The following EFCAB6 variants were observed in gnomAD, a reference collection of about 807,000 sequenced individuals.
The protein encoded by EFCAB6 is EF-hand calcium binding domain 6.
In EFCAB6, 156 loss-of-function variants were observed where a neutral mutation model predicts 169.8. The observed-to-expected ratio is 0.92, with a 90% CI of 0.81 to 1.05. The LOEUF is 1.05. Ranked by LOEUF, EFCAB6 falls within the 50% of genes least tolerant of loss-of-function variation. EFCAB6 has a pLI of 0.00. For missense variants in EFCAB6, 1,800 were observed against 1,829.1 expected, an observed-to-expected ratio of 0.98 and a Z score of 0.29; for synonymous variants, 698 against 676.4, an observed-to-expected ratio of 1.03 and a Z score of -0.50.
At chr22:43,577,854 A>T (rs1440854620) in intron 25 of EFCAB6, among the ~76,000 whole-genome samples, 1 of 151,324 alleles carries the variant, frequency 6.6e-6, no homozygotes, top group Non-Finnish European at 1.5e-5. Flanking sequence ...TTGCTTCCCT[A>T]CACCAAGGAA....
chr22:43,536,184 G>T (rs2047374286), intron 29 of EFCAB6: 1 of 151,004 alleles, frequency 6.6e-6, no homozygotes, highest in South Asian at 2.1e-4. Flanking sequence ...CAAAATCAAA[G>T]AATTAACTAA....
At chr22:43,611,749 G>A (rs1321654698) in intron 21 of EFCAB6, among the ~76,000 whole-genome samples, 1 of 152,136 alleles carries the variant, frequency 6.6e-6, no homozygotes, top group Non-Finnish European at 1.5e-5. Flanking sequence ...AGTGAGCCAA[G>A]ATCACACCAC....
At chr22:43,749,469 T>C (rs1314571557) in intron 6 of EFCAB6, among the ~76,000 whole-genome samples, 1 of 152,072 alleles carries the variant, frequency 6.6e-6, no homozygotes, top group Non-Finnish European at 1.5e-5. Flanking sequence ...GGAGGGGGTA[T>C]GGTTTCGGGA....
chr22:43,640,470 A>C (rs2055723123), intron 17 of EFCAB6, among the ~76,000 whole-genome samples: 1 of 152,162 alleles, frequency 6.6e-6, no homozygotes, highest in Non-Finnish European at 1.5e-5. Flanking sequence ...TGTGGTTTAG[A>C]GTCAGCCAGA....
intron 10 of EFCAB6, among the ~76,000 whole-genome samples, chr22:43,689,349 G>GCACAAA (rs375566793): frequency 0.17 from 24,386 of 147,020 alleles, 2,056 homozygotes; most frequent in Middle Eastern, 0.21. Flanking sequence ...GAGAGCACGT[G>GCACAAA]CACACACACA....
intron 22 of EFCAB6, among the ~76,000 whole-genome samples, chr22:43,604,664 G>A (rs1379654034): frequency 1.3e-5 from 2 of 152,014 alleles, no homozygotes; most frequent in Admixed American, 1.3e-4. Context: ...TGAGCTAATA[G>A]AAATGGCCTC....
intron 17 of EFCAB6, among the ~76,000 whole-genome samples, chr22:43,656,128 C>T (rs753336002): frequency 1.3e-5 from 2 of 152,106 alleles, no homozygotes; most frequent in East Asian, 1.9e-4. Flanking sequence ...CAGTGGCTCA[C>T]GCATGTAATC....
rs1159447162 is a variant in EFCAB6, at chr22:43,559,672, C to T, written c.3421-4576G>A. Among the ~76,000 whole-genome samples the T allele has an allele frequency of 4.6e-5, 7 of 152,332 alleles. No homozygotes were observed. The East Asian group carries it at 1.2e-3, about 25-fold the overall frequency. ...TGTGGCACATACACACCACGGAATACTATGCAGCCATAAAAAATAATGAGT... is the reference window on the plus strand; with the variant it reads ...TGTGGCACATACACACCACGGAATATTATGCAGCCATAAAAAATAATGAGT... On this transcript the variant is annotated intron_variant, in intron 26 of 31. Coordinates refer to ENST00000262726, the MANE Select transcript of EFCAB6 (RefSeq NM_022785.4).
rs567114810 is a variant in EFCAB6 at position 43,670,606 on chromosome 22, T to C, written c.1640+1367A>G. 1.9e-4 allele frequency among the ~76,000 whole-genome samples: 29 copies of C among 152,362 alleles called. No individual in the cohort carries two copies. In the South Asian group the frequency reaches 3.7e-3, roughly 20 times the overall value. Reference sequence around the variant, plus strand: ...GGGCTGAGCATGAGCTCTGAAGCCATACTTTGCTCAATAAGTGCTCACTAG... The same window carrying C: ...GGGCTGAGCATGAGCTCTGAAGCCACACTTTGCTCAATAAGTGCTCACTAG... On this transcript the variant is annotated intron_variant, in intron 15 of 31. Transcript: ENST00000262726.
chr22:43,565,249 G>C (rs1251810150), intron 26 of EFCAB6, among the ~76,000 whole-genome samples: 3 of 152,234 alleles, frequency 2.0e-5, no homozygotes, highest in Non-Finnish European at 4.4e-5. Context: ...CAGAGATGAA[G>C]AGCAGAGTCA....
chr22:43,690,265 G>A (rs1006483760), intron 10 of EFCAB6, among the ~76,000 whole-genome samples: 4 of 150,620 alleles, frequency 2.7e-5, no homozygotes, highest in Non-Finnish European at 4.4e-5. Context: ...TTTGGGAGGC[G>A]GAGGCAGGCG....
intron 29 of EFCAB6, 51 bp from the exon 30 acceptor site, chr22:43,534,923 T>G: frequency 6.5e-7 from 1 of 1,549,446 alleles, no homozygotes; most frequent in Non-Finnish European, 8.7e-7. Context: ...CATTCATTCA[T>G]TCTTCACTCA....
rs554479048 is a variant in EFCAB6, at chr22:43,646,971, A to G, written c.1984-11755T>C. ...TAGACATTTCACTTGTTCTATAAGC[A>G]AGAAATTGTAATAATTTCAATGCAT... is the stretch of plus-strand genomic sequence containing the variant. On this transcript the variant is annotated intron_variant, in intron 17 of 31. Coordinates refer to ENST00000262726, the MANE Select transcript of EFCAB6 (RefSeq NM_022785.4). 5.3e-5 allele frequency among the ~76,000 whole-genome samples: 8 copies of G among 152,342 alleles called. No individual in the cohort carries two copies. In the East Asian group the frequency reaches 1.5e-3, roughly 29 times the overall value.
rs184585073 is a variant in EFCAB6, at chr22:43,572,232, G to A, written c.3420+4065C>T. 2.0e-5 allele frequency among the ~76,000 whole-genome samples: 3 copies of A among 152,272 alleles called. No individual in the cohort carries two copies. Among genetic ancestry groups the A allele is most frequent in the African/African-American group, 4.8e-5 (2 of 41,556 alleles). ...AGGTGAAGGCAACTCTTTGTGATGC[G>A]AACTGGGCAGAACTAACCAATGTTG... On this transcript the variant is annotated intron_variant, in intron 26 of 31. Transcript: ENST00000262726. The surrounding 1 kb of genome is among the most constrained non-coding windows in gnomAD (Gnocchi z 4.0).
chr22:43,548,539 C>CAA lies in EFCAB6; in HGVS notation c.3648+6328_3648+6329dup, dbSNP rs397868076. On this transcript the variant is annotated intron_variant, in intron 27 of 31. Coordinates refer to ENST00000262726, the MANE Select transcript of EFCAB6 (RefSeq NM_022785.4). ...TGGGTGACAGAGCGAGAATCCATCT[C>CAA]AAAAAAAAAAAAAAAAAAAAAAAAA... 3.1e-3 allele frequency among the ~76,000 whole-genome samples: 113 copies of CAA among 36,754 alleles called. 13 individuals are homozygous for CAA. Among genetic ancestry groups the CAA allele is most frequent in the Non-Finnish European group, 3.5e-3 (76 of 21,804 alleles). 24.1% of individuals were successfully genotyped at this position (36,754 alleles called of 152,430 possible).
chr22:43,711,187 T>C (rs1184144358), intron 10 of EFCAB6, among the ~76,000 whole-genome samples: 1 of 152,126 alleles, frequency 6.6e-6, no homozygotes, highest in African/African-American at 2.4e-5. Context: ...TCTTATTTTT[T>C]AGAGAGAGAG....
At chr22:43,772,606 A>G (rs2061506218) in intron 4 of EFCAB6, among the ~76,000 whole-genome samples, 1 of 148,134 alleles carries the variant, frequency 6.8e-6, no homozygotes, top group South Asian at 2.1e-4. Flanking sequence ...ACACCATTGC[A>G]CTCCAGCCTG....
chr22:43,741,720 C>G (rs2060377198), intron 6 of EFCAB6, among the ~76,000 whole-genome samples: 1 of 152,198 alleles, frequency 6.6e-6, no homozygotes, highest in Non-Finnish European at 1.5e-5. Context: ...GTCTGCGGCC[C>G]TTCCCTGTCC....
Position 43,668,858 on chromosome 22 carries a change from T to C in EFCAB6, c.1814+14A>G. Reference sequence around the variant, plus strand: ...TGTGGTTTTGATATGTGCATTCATTTTGCTTAATTTTACCTCTCAGAAAGA... The same window carrying C: ...TGTGGTTTTGATATGTGCATTCATTCTGCTTAATTTTACCTCTCAGAAAGA... On this transcript the variant is annotated intron_variant, in intron 16 of 31. Transcript: ENST00000262726. 1 of 1,574,620 alleles carries C rather than the reference T, an allele frequency of 6.4e-7. No homozygotes were observed. The highest frequency in any genetic ancestry group is 8.6e-7 in the Non-Finnish European group (1 of 1,159,400).
Sources: gnomAD v4.1 joint callset for allele counts (sites outside exome capture counted in the v4.1 genomes callset) on GRCh38, gnomAD v4.1.1 for gene constraint, Gnocchi (gnomAD v3.1) non-coding constraint, MANE v1.5 for transcripts, NCBI Gene and HGNC (gene_info 2026-07-23, HGNC 2026-07-21) for gene names.